Variants in HOXB3 observed in about 807,000 individuals in gnomAD.
HOXB3 encodes the protein homeobox B3, also known as homeobox protein Hox-B3.
A neutral mutation model predicts 29.2 loss-of-function variants in HOXB3; 17 were observed. The ratio of observed to expected loss-of-function variants is 0.58; its 90% CI spans 0.40 to 0.87. The LOEUF is 0.87. HOXB3 is among the 40% of genes least tolerant of loss of function. HOXB3 has a pLI of 0.00. For missense variants in HOXB3, 637 were observed against 616.3 expected, an observed-to-expected ratio of 1.03 and a Z score of -0.35; for synonymous variants, 317 against 285.9, an observed-to-expected ratio of 1.11 and a Z score of -1.10.
At chr17:48,551,276 C>G in intron 4 of HOXB3, 95 bp from the exon 5 acceptor site, 2 of 1,210,430 alleles carry the variant, frequency 1.7e-6, no homozygotes, top group Non-Finnish European at 2.1e-6. Flanking sequence ...CTTAATAAAT[C>G]CAGGCCTGGA....
At chr17:48,585,107 G>C (rs879655479) in intron 1 of HOXB3, among the ~76,000 whole-genome samples, 6 of 151,924 alleles carry the variant, frequency 3.9e-5, no homozygotes, top group Admixed American at 3.3e-4. Flanking sequence ...TCCCCCCTTC[G>C]CCAATGTCCC....
intron 3 of HOXB3, 80 bp downstream of exon 3, chr17:48,555,451 T>C (rs1341413268): frequency 7.2e-6 from 5 of 694,726 alleles, no homozygotes; most frequent in East Asian, 2.7e-5. Context: ...TGAACCGAGA[T>C]TGGAGTCATA....
intron 1 of HOXB3, chr17:48,575,254 C>T (rs1293801081): frequency 2.0e-5 from 3 of 152,200 alleles, no homozygotes; most frequent in South Asian, 4.1e-4. Context: ...ATCAGCCTTC[C>T]CAGTCCTTTC....
At chr17:48,560,948 G>A (rs1027598601) in intron 2 of HOXB3, among the ~76,000 whole-genome samples, 11 of 152,150 alleles carry the variant, frequency 7.2e-5, no homozygotes, top group African/African-American at 2.2e-4. Context: ...TTGGGAGGCC[G>A]AGGCAGGCGA....
chr17:48,550,637 C>G lies in HOXB3; in HGVS notation c.993G>C (p.Pro331=). 1 of 1,524,202 alleles carries G rather than the reference C, an allele frequency of 6.6e-7. No homozygotes were observed. Among genetic ancestry groups the G allele is most frequent in the African/African-American group, 1.4e-5 (1 of 71,886 alleles). The allele number at this position is 1,524,202 out of a possible 1,614,324, so 94.4% of individuals were successfully genotyped here. ...CGCCCCCGTTGGCTTGGAGGACGTG[C>G]GGCTCATACTCGGGCGCCGGGGTCG... is the stretch of plus-strand genomic sequence containing the variant. ...YPPTPAPEYE[P]HVLQANGGAY... Residue 331 remains proline, a synonymous_variant, in exon 5 of 5, where the codon CCG becomes CCC. Coordinates refer to ENST00000498678, the MANE Select transcript of HOXB3 (RefSeq NM_001384749.1).
intron 2 of HOXB3, chr17:48,559,858 G>C (rs1051375020): frequency 2.0e-5 from 3 of 152,274 alleles, no homozygotes; most frequent in African/African-American, 7.2e-5. Context: ...CTCCCCAGCT[G>C]AGCCTGTGAA....
intron 1 of HOXB3, among the ~76,000 whole-genome samples, 186 bp downstream of exon 1, chr17:48,589,939 G>A (rs560027424): frequency 3.1e-4 from 47 of 151,886 alleles, no homozygotes; most frequent in Admixed American, 5.2e-4. Flanking sequence ...AGGCACCCCC[G>A]ACCGATGAGG....
chr17:48,582,781 T>C (rs1012195702), intron 1 of HOXB3, among the ~76,000 whole-genome samples: 1 of 152,192 alleles, frequency 6.6e-6, no homozygotes, highest in African/African-American at 2.4e-5. Flanking sequence ...CCGAAAAAAG[T>C]CCCATTCGGA....
In HOXB3 at chr17:48,554,410, C is replaced by T. The variant is rs2068878987; in HGVS notation, c.-159+1121G>A. The T allele has an allele frequency of 1.1e-5, 6 of 552,710 alleles. No individual in the cohort carries two copies. The Admixed American group carries it at 1.3e-4, about 12-fold the overall frequency. The allele number at this position is 552,710 out of a possible 1,614,324, so 34.2% of individuals were successfully genotyped here. On this transcript the variant is annotated intron_variant, in intron 3 of 4. Coordinates refer to ENST00000498678, the MANE Select transcript of HOXB3 (RefSeq NM_001384749.1). This position sits in a 1 kb window ranked among gnomAD's most constrained non-coding sequence, Gnocchi z 4.1. ...AGATGCCTGGGGCCGAAATTCCTGC[C>T]GCTCCCCTTGCAATAAACCCCAAAC...
chr17:48,584,457 A>G (rs1331311473), intron 1 of HOXB3, among the ~76,000 whole-genome samples: 2 of 152,190 alleles, frequency 1.3e-5, no homozygotes, highest in Non-Finnish European at 2.9e-5. Flanking sequence ...TGCCTCTCCC[A>G]GGGGTGGAGG....
At chr17:48,579,816 A>T (rs3809783) in intron 1 of HOXB3, 8,978 of 457,800 alleles carry the variant, frequency 0.02, 343 homozygotes, top group Admixed American at 0.11. Context: ...ATATATATAT[A>T]TTTTTTTCTT....
intron 1 of HOXB3, chr17:48,578,040 G>A: frequency 8.6e-7 from 1 of 1,168,862 alleles, no homozygotes; most frequent in Non-Finnish European, 1.1e-6. Flanking sequence ...GGCGGCGCAG[G>A]AGCCCGAGGG....
rs59742556 is a variant in HOXB3 at position 48,552,571 on chromosome 17, A to ACCCCCCCCCCCCCCCCCCCCCCCCCC, written c.-98_-97insGGGGGGGGGGGGGGGGGGGGGGGGGG. 2 of 504,638 alleles carry ACCCCCCCCCCCCCCCCCCCCCCCCCC rather than the reference A, an allele frequency of 4.0e-6. No individual in the cohort carries two copies. Among genetic ancestry groups the ACCCCCCCCCCCCCCCCCCCCCCCCCC allele is most frequent in the African/African-American group, 4.0e-5 (1 of 24,692 alleles). The allele number at this position is 504,638 out of a possible 1,614,324, so 31.3% of individuals were successfully genotyped here. ...CCCTGGGGGTCACGTGACACGCCGG[A>ACCCCCCCCCCCCCCCCCCCCCCCCCC]CCCCCCCCCCCCACCTCCCCTCTCT... On this transcript the variant is annotated 5_prime_UTR_variant, in exon 4 of 5. The change creates a premature stop within an existing upstream ORF in the 5' untranslated region. Transcript: ENST00000498678.
At chr17:48,585,209 T>G (rs1378521073) in intron 1 of HOXB3, among the ~76,000 whole-genome samples, 3 of 152,162 alleles carry the variant, frequency 2.0e-5, no homozygotes, top group Admixed American at 6.5e-5. Flanking sequence ...CTCCCGCATT[T>G]TCAGCGGTCT....
intron 2 of HOXB3, among the ~76,000 whole-genome samples, chr17:48,567,379 A>G (rs2069425030): frequency 6.6e-6 from 1 of 152,244 alleles, no homozygotes; most frequent in Non-Finnish European, 1.5e-5. Flanking sequence ...TATCACAGAT[A>G]ATCGTGGCTA....
In HOXB3 at chr17:48,580,041, T is replaced by C. The variant is rs1313536914; in HGVS notation, c.-424-6027A>G. ...GCTTTGGTTTTATTTCGTTTTGTTC[T>C]AGTTTTGAGCTCTGGGAACAGAAAA... On this transcript the variant is annotated intron_variant, in intron 1 of 4. Transcript: ENST00000498678. 7.1e-6 allele frequency: 3 copies of C among 425,400 alleles called. No individual in the cohort carries two copies. In the East Asian group the frequency reaches 2.6e-4, roughly 36 times the overall value. 26.4% of individuals were successfully genotyped at this position (425,400 alleles called of 1,614,324 possible).
intron 2 of HOXB3, among the ~76,000 whole-genome samples, chr17:48,562,445 C>T (rs1466003163): frequency 6.6e-6 from 1 of 152,064 alleles, no homozygotes; most frequent in African/African-American, 2.4e-5. Flanking sequence ...GGTCTGCCGG[C>T]AGCTGCACCT....
chr17:48,563,094 A>C (rs1296313460), intron 2 of HOXB3, among the ~76,000 whole-genome samples: 3 of 152,064 alleles, frequency 2.0e-5, no homozygotes, highest in African/African-American at 7.2e-5. Flanking sequence ...TCCCCTCCTC[A>C]ACCAACCATA....
chr17:48,573,050 C>T (rs1316861335), intron 2 of HOXB3, among the ~76,000 whole-genome samples: 1 of 152,188 alleles, frequency 6.6e-6, no homozygotes, highest in Non-Finnish European at 1.5e-5. Flanking sequence ...GGCTGCAGAG[C>T]CCACTGACTC....
Sources: allele counts gnomAD v4.1 joint callset (sites outside exome capture counted in the v4.1 genomes callset), GRCh38; gene constraint gnomAD v4.1.1; non-coding constraint Gnocchi (gnomAD v3.1); transcripts MANE v1.5; gene names NCBI Gene and HGNC (gene_info 2026-07-23, HGNC 2026-07-21).